Variants in ADCY2 observed in about 807,000 individuals in gnomAD.
ADCY2 encodes the protein adenylate cyclase 2.
Under a neutral mutation model 125.2 loss-of-function variants are expected in ADCY2, and 31 were observed. The observed-to-expected ratio is 0.25, with a 90% CI of 0.19 to 0.33. The LOEUF is 0.33. Among genes scored for constraint, ADCY2 ranks in the 10% least tolerant of loss-of-function variants. The probability of loss-of-function intolerance (pLI) is 1.00; values close to 1 mark genes in which losing one functional copy is unlikely to be tolerated. For synonymous variants in ADCY2, 512 were observed against 548.4 expected, an observed-to-expected ratio of 0.93 and a Z score of 0.93; for missense variants, 904 against 1,418.2, an observed-to-expected ratio of 0.64 and a Z score of 5.82.
At chr5:7,618,175 C>T (rs1288650011) in intron 3 of ADCY2, among the ~76,000 whole-genome samples, 5 of 152,142 alleles carry the variant, frequency 3.3e-5, no homozygotes, top group African/African-American at 1.2e-4. Flanking sequence ...CCGTGGCATC[C>T]CTGAGTTGTT....
intron 4 of ADCY2, among the ~76,000 whole-genome samples, chr5:7,664,085 G>A (rs1739629889): frequency 6.6e-6 from 1 of 152,152 alleles, no homozygotes; most frequent in South Asian, 2.1e-4. Flanking sequence ...AACTGGAAGT[G>A]GGTTTTCAAG....
At chr5:7,660,239 AGAAGGAAG>A (rs59646942) in intron 4 of ADCY2, among the ~76,000 whole-genome samples, 13,962 of 101,144 alleles carry the variant, frequency 0.14, 1,105 homozygotes, top group East Asian at 0.23. Flanking sequence ...AGGGAGGGAG[AGAAGGAAG>A]GAAGGAAGGA....
rs552399351 is a variant in ADCY2 at position 7,640,214 on chromosome 5, C to T, written c.720+13898C>T. ...GATTTCCGCTGGTGAATTTTATTAACGAGTCAAGGAAAAAAATGTTTAGAG... is the reference window on the plus strand; with the variant it reads ...GATTTCCGCTGGTGAATTTTATTAATGAGTCAAGGAAAAAAATGTTTAGAG... On this transcript the variant is annotated intron_variant, in intron 4 of 24. Transcript: ENST00000338316. 1.3e-4 allele frequency among the ~76,000 whole-genome samples: 20 copies of T among 152,064 alleles called. No homozygotes were observed. The South Asian group carries it at 2.7e-3, about 20-fold the overall frequency.
At position 7,542,734 on chromosome 5, in the gene ADCY2, A is replaced by T. The variant is rs559863698; in HGVS notation, c.570+21835A>T. Among the ~76,000 whole-genome samples, 122 of 152,354 alleles carry T rather than the reference A, an allele frequency of 8.0e-4. 1 individual carries two copies. Among genetic ancestry groups the T allele is most frequent in the African/African-American group, 2.8e-3 (117 of 41,582 alleles). On this transcript the variant is annotated intron_variant, in intron 3 of 24. Transcript: ENST00000338316. ...GAGGCCTACCTTCATTATCAAGGGT[A>T]GCCATTTTTACTTAAAGTCAAACTG...
chr5:7,478,016 A>G (rs969119590), intron 2 of ADCY2, among the ~76,000 whole-genome samples: 1 of 152,118 alleles, frequency 6.6e-6, no homozygotes, highest in Non-Finnish European at 1.5e-5. Context: ...AACCGGAAAG[A>G]TTTTCTTGAC....
At chr5:7,430,621 T>G (rs1168174361) in intron 2 of ADCY2, among the ~76,000 whole-genome samples, 1 of 149,118 alleles carries the variant, frequency 6.7e-6, no homozygotes, top group Non-Finnish European at 1.5e-5. Context: ...ATCTCAAGAA[T>G]GCAGAGTTGG....
intron 20 of ADCY2, chr5:7,797,786 G>A (rs1744472484): frequency 6.6e-6 from 1 of 151,900 alleles, no homozygotes; most frequent in African/African-American, 2.4e-5. Context: ...ATGTAGTGGG[G>A]ATGAGCCCCC....
At chr5:7,768,193 G>A (rs749866768) in intron 17 of ADCY2, among the ~76,000 whole-genome samples, 4 of 152,168 alleles carry the variant, frequency 2.6e-5, no homozygotes, top group African/African-American at 7.2e-5. Flanking sequence ...AAGATCCTGC[G>A]CTTCAAATTA....
At chr5:7,475,647 G>A (rs1347798585) in intron 2 of ADCY2, among the ~76,000 whole-genome samples, 2 of 152,150 alleles carry the variant, frequency 1.3e-5, no homozygotes, top group Non-Finnish European at 2.9e-5. Flanking sequence ...CTCCCAAAGT[G>A]TTAGGATTAC....
intron 3 of ADCY2, among the ~76,000 whole-genome samples, chr5:7,525,500 T>C (rs764711414): frequency 1.3e-4 from 20 of 152,190 alleles, no homozygotes; most frequent in Non-Finnish European, 2.6e-4. Context: ...TCTCTGATTT[T>C]AGGGTCCTGA....
At chr5:7,783,519 C>CA (rs1202642771) in intron 18 of ADCY2, among the ~76,000 whole-genome samples, 2 of 152,000 alleles carry the variant, frequency 1.3e-5, no homozygotes, top group Non-Finnish European at 2.9e-5. Flanking sequence ...TTGAACCCCC[C>CA]ACAGAGAAGC....
intron 4 of ADCY2, among the ~76,000 whole-genome samples, chr5:7,661,135 T>C (rs1382856605): frequency 6.6e-6 from 1 of 152,172 alleles, no homozygotes; most frequent in Non-Finnish European, 1.5e-5. Context: ...GCTTGGGGCA[T>C]CAAAACTGTT....
At chr5:7,483,607 T>A (rs1330321630) in intron 2 of ADCY2, among the ~76,000 whole-genome samples, 1 of 152,126 alleles carries the variant, frequency 6.6e-6, no homozygotes, top group Non-Finnish European at 1.5e-5. Flanking sequence ...TGACCTCGGG[T>A]GTTTGGAGCC....
intron 17 of ADCY2, among the ~76,000 whole-genome samples, chr5:7,768,159 G>T (rs985515999): frequency 3.3e-4 from 50 of 152,222 alleles, no homozygotes; most frequent in African/African-American, 1.1e-3. Flanking sequence ...AGAGGGGGGT[G>T]CTATAGGTTC....
chr5:7,455,215 A>G (rs576162525), intron 2 of ADCY2, among the ~76,000 whole-genome samples: 1 of 152,342 alleles, frequency 6.6e-6, no homozygotes, highest in East Asian at 1.9e-4. Context: ...AAAATTAGCT[A>G]AGGCACCACA....
At chr5:7,771,777 C>T (rs1400928957) in intron 17 of ADCY2, among the ~76,000 whole-genome samples, 1 of 152,118 alleles carries the variant, frequency 6.6e-6, no homozygotes, top group Non-Finnish European at 1.5e-5. Flanking sequence ...ATAAGCAGTT[C>T]TTACCAGGCT....
chr5:7,748,905 C>A (rs1301418631), intron 15 of ADCY2, among the ~76,000 whole-genome samples: 1 of 152,148 alleles, frequency 6.6e-6, no homozygotes, highest in Non-Finnish European at 1.5e-5. Flanking sequence ...ACATAACTTG[C>A]CTTCCCAGTG....
chr5:7,485,597 A>T (rs1377053354), intron 2 of ADCY2, among the ~76,000 whole-genome samples: 1 of 152,182 alleles, frequency 6.6e-6, no homozygotes, highest in Admixed American at 6.5e-5. Flanking sequence ...CTTACATCTT[A>T]AAATGTGCAT....
rs896732238 is a variant in ADCY2 at position 7,480,251 on chromosome 5, G to T, written c.409-40487G>T. Among the ~76,000 whole-genome samples the T allele has an allele frequency of 5.4e-5, 8 of 146,808 alleles. No homozygotes were observed. The East Asian group carries it at 8.0e-4, about 15-fold the overall frequency. On this transcript the variant is annotated intron_variant, in intron 2 of 24. Coordinates refer to ENST00000338316, the MANE Select transcript of ADCY2 (RefSeq NM_020546.3). ...ACAGAAATACCAATCTCATTACTGGGTATATACCCAAAGGAATATAAATCG... is the reference window on the plus strand; with the variant it reads ...ACAGAAATACCAATCTCATTACTGGTTATATACCCAAAGGAATATAAATCG...
Sources: gnomAD v4.1 joint callset for allele counts (sites outside exome capture counted in the v4.1 genomes callset) on GRCh38, gnomAD v4.1.1 for gene constraint, MANE v1.5 for transcripts, NCBI Gene and HGNC (gene_info 2026-07-23, HGNC 2026-07-21) for gene names.